PRDM15: variants seen among roughly 807,000 people sequenced by gnomAD.
PRDM15 encodes the protein PR domain zinc finger protein 15.
PRDM15 carries 64 observed loss-of-function variants against 128.6 expected under a neutral mutation model. That is an observed-to-expected ratio of 0.50 (90% confidence interval 0.41 to 0.61). PRDM15 has a LOEUF of 0.61. Ranked by LOEUF, PRDM15 falls within the 20% of genes least tolerant of loss-of-function variation. The pLI is 0.00. For missense variants in PRDM15, 1,242 were observed against 1,569.1 expected (o/e 0.79, Z 3.52); for synonymous variants, 615 against 621.8 (o/e 0.99, Z 0.16).
chr21:41,842,818 T>C, intron 6 of PRDM15, among the ~76,000 whole-genome samples: 1 of 102,594 alleles, frequency 9.7e-6, no homozygotes. Context: ...GGAGTCTCAC[T>C]CTGTCGCCCA....
At chr21:41,841,028 C>T (rs1471431999) in intron 6 of PRDM15, among the ~76,000 whole-genome samples, 1 of 151,952 alleles carries the variant, frequency 6.6e-6, no homozygotes, top group Non-Finnish European at 1.5e-5. Flanking sequence ...GCTAAGAAGA[C>T]ATGAAGTGTA....
intron 11 of PRDM15, among the ~76,000 whole-genome samples, chr21:41,831,414 C>T (rs1357644446): frequency 6.6e-6 from 1 of 152,370 alleles, no homozygotes; most frequent in South Asian, 2.1e-4. Context: ...TTGCCGACAG[C>T]GTCCCTTGGG....
At position 41,810,642 on chromosome 21, in the gene PRDM15, G is replaced by A. The variant is rs1454358716; in HGVS notation, c.2476+111C>T. 1.4e-5 allele frequency: 12 copies of A among 880,660 alleles called. No individual in the cohort carries two copies. Among genetic ancestry groups the A allele is most frequent in the East Asian group, 2.5e-5 (1 of 40,366 alleles). 54.6% of individuals were successfully genotyped at this position (880,660 alleles called of 1,614,324 possible). On this transcript the variant is annotated intron_variant, in intron 20 of 23. Coordinates refer to ENST00000398548, the MANE Select transcript of PRDM15 (RefSeq NM_001040424.3). The surrounding 1 kb of genome is among the most constrained non-coding windows in gnomAD (Gnocchi z 6.4). ...ATGAAGCCAAGACAACACTAAATGT[G>A]CTGGAACCGTCTAGATAATAGAATA...
rs1481800790 is a variant in PRDM15, at chr21:41,832,551, C to G, written c.1366+2886G>C. 5.3e-5 allele frequency among the ~76,000 whole-genome samples: 8 copies of G among 152,170 alleles called. No homozygotes were observed. ...TTACAGTGCTGTGGCATTGGATTGC[C>G]ACACTCCCCTCAACCTGGGCCTCCT... On this transcript the variant is annotated intron_variant, in intron 11 of 23. Coordinates refer to ENST00000398548, the MANE Select transcript of PRDM15 (RefSeq NM_001040424.3). This position sits in a 1 kb window ranked among gnomAD's most constrained non-coding sequence, Gnocchi z 4.2.
intron 18 of PRDM15, among the ~76,000 whole-genome samples, chr21:41,817,340 T>C (rs905834571): frequency 6.6e-6 from 1 of 152,176 alleles, no homozygotes; most frequent in African/African-American, 2.4e-5. Flanking sequence ...CATTCCTGAG[T>C]AGTTCAAGGC....
Position 41,825,964 on chromosome 21 carries a change from C to T in PRDM15, c.1625G>A (p.Gly542Asp). 1 of 1,612,724 alleles carries T rather than the reference C, an allele frequency of 6.2e-7. No homozygotes were observed. The highest frequency in any genetic ancestry group is 8.5e-7 in the Non-Finnish European group (1 of 1,178,804). Residue 542 changes from glycine to aspartate, a missense_variant, in exon 13 of 24, where the codon GGC becomes GAC. This residue lies in a region of PRDM15 where 28 missense variants were observed against 63.8 expected (regional missense o/e 0.44). Transcript: ENST00000398548. The part of the protein sequence containing the change: ...KKEPSGCPVC[G>D]KVFSCRSNMN... ...GACGTGGACTGCGAGCATTACCTTGCCACACACCGGGCACCCGGAAGGCTC... is the reference window on the plus strand; with the variant it reads ...GACGTGGACTGCGAGCATTACCTTGTCACACACCGGGCACCCGGAAGGCTC...
chr21:41,848,569 CT>C (rs1282616672), intron 5 of PRDM15, among the ~76,000 whole-genome samples: 3 of 152,210 alleles, frequency 2.0e-5, no homozygotes, highest in African/African-American at 7.2e-5. Context: ...TCCCACTCAC[CT>C]TCCCAAACAT....
At chr21:41,826,873 C>T (rs998369256) in intron 12 of PRDM15, among the ~76,000 whole-genome samples, 1 of 152,160 alleles carries the variant, frequency 6.6e-6, no homozygotes, top group African/African-American at 2.4e-5. Context: ...GAGTTTACTC[C>T]CACAGAAGAC....
At chr21:41,816,461 A>G (rs1206296603) in intron 18 of PRDM15, among the ~76,000 whole-genome samples, 3 of 152,144 alleles carry the variant, frequency 2.0e-5, no homozygotes, top group Non-Finnish European at 4.4e-5. Context: ...ACCAGGGAAC[A>G]GGGCGACCCA....
chr21:41,872,209 G>A (rs1040895212), intron 1 of PRDM15, among the ~76,000 whole-genome samples: 8 of 152,052 alleles, frequency 5.3e-5, no homozygotes, highest in African/African-American at 1.4e-4. Flanking sequence ...TCCCCAGGGC[G>A]GCCATTCAAG....
chr21:41,839,680 G>C lies in PRDM15; in HGVS notation c.814C>G (p.Pro272Ala). ...QKKKPRRGRK[P>A]KVSKAEQPLV... ...GGCTGCTCAGCTTTGGACACTTTGG[G>C]TTTTCTCCCCCTTCGAGGCTTTTTC... The change falls in exon 7 of 24, where the codon CCC (proline) becomes GCC (alanine). Residue 272 changes from proline (P) to alanine (A), a missense_variant. Around this residue, in one of 3 missense-constraint regions of PRDM15, gnomAD observed 612 missense variants for 717.0 expected, o/e 0.85. Transcript: ENST00000398548. The C allele has an allele frequency of 6.2e-7, 1 of 1,614,262 alleles. No individual in the cohort carries two copies.
Position 41,836,626 on chromosome 21 carries a change from G to A in PRDM15, c.1025C>T (p.Thr342Ile). The A allele has an allele frequency of 6.2e-7, 1 of 1,607,798 alleles. No individual in the cohort carries two copies. The highest frequency in any genetic ancestry group is 8.5e-7 in the Non-Finnish European group (1 of 1,175,094). The change falls in exon 9 of 24, where the codon ACC becomes ATC. Residue 342 changes from threonine to isoleucine, a missense_variant. Thr to Ile is a moderately conservative substitution (Grantham distance 89). Coordinates refer to ENST00000398548, the MANE Select transcript of PRDM15 (RefSeq NM_001040424.3). ...VPKFTHHQNNTITLKRSLILS... is the reference protein window; with the variant it reads ...VPKFTHHQNNIITLKRSLILS... ...AATTAAGCTCCTCTTGAGCGTGATGGTGTTATTCTGATGATGGGTGAACCT... is the reference window on the plus strand; with the variant it reads ...AATTAAGCTCCTCTTGAGCGTGATGATGTTATTCTGATGATGGGTGAACCT...
At chr21:41,869,606 C>G (rs2064141385) in intron 1 of PRDM15, among the ~76,000 whole-genome samples, 1 of 152,122 alleles carries the variant, frequency 6.6e-6, no homozygotes, top group South Asian at 2.1e-4. Context: ...ACCACCACGC[C>G]TGGCTAATTT....
intron 6 of PRDM15, among the ~76,000 whole-genome samples, chr21:41,843,036 C>T (rs1818111184): frequency 6.6e-6 from 1 of 152,200 alleles, no homozygotes; most frequent in Non-Finnish European, 1.5e-5. Context: ...CCACCTGCCT[C>T]AGCCTCCCAA....
chr21:41,839,584 G>A lies in PRDM15; in HGVS notation c.871+39C>T, dbSNP rs553381191. The A allele has an allele frequency of 1.7e-5, 27 of 1,576,994 alleles. No homozygotes were observed. The East Asian group carries it at 2.7e-4, about 16-fold the overall frequency. Reference sequence around the variant, plus strand: ...AGCCCTCGGGCGCCAGGAGGGCTGCGCCCCACGCAGGCACTCATCCCCGGG... The same window carrying A: ...AGCCCTCGGGCGCCAGGAGGGCTGCACCCCACGCAGGCACTCATCCCCGGG... On this transcript the variant is annotated intron_variant, in intron 7 of 23. Transcript: ENST00000398548.
chr21:41,820,748 G>A (rs1318692250), intron 16 of PRDM15, among the ~76,000 whole-genome samples: 2 of 152,224 alleles, frequency 1.3e-5, no homozygotes, highest in East Asian at 1.9e-4. Flanking sequence ...GTCAGATGTG[G>A]CCTGGCATTA....
intron 21 of PRDM15, chr21:41,804,821 T>C: frequency 2.2e-6 from 1 of 458,792 alleles, no homozygotes; most frequent in Non-Finnish European, 3.8e-6. Context: ...CCTTATTTCA[T>C]GCTCCCACAA....
intron 1 of PRDM15, among the ~76,000 whole-genome samples, chr21:41,876,364 A>T (rs1477015185): frequency 6.6e-6 from 1 of 152,194 alleles, no homozygotes; most frequent in Non-Finnish European, 1.5e-5. Flanking sequence ...GGTTCCAGAA[A>T]TAAGGAGACG....
At position 41,821,755 on chromosome 21, in the gene PRDM15, T is replaced by G; in HGVS notation, c.1896+148A>C. On this transcript the variant is annotated intron_variant, in intron 15 of 23. Transcript: ENST00000398548. This position sits in a 1 kb window ranked among gnomAD's most constrained non-coding sequence, Gnocchi z 5.4. Reference sequence around the variant, plus strand: ...GCACAAGTGATGGACAGGCACCCAGTCTGCAGTAGGACCACTGGCCGGAGC... The same window carrying G: ...GCACAAGTGATGGACAGGCACCCAGGCTGCAGTAGGACCACTGGCCGGAGC... 1 of 925,930 alleles carries G rather than the reference T, an allele frequency of 1.1e-6. No individual in the cohort carries two copies. Among genetic ancestry groups the G allele is most frequent in the East Asian group, 2.5e-5 (1 of 39,794 alleles). 57.4% of individuals were successfully genotyped at this position (925,930 alleles called of 1,614,324 possible).
Sources: gnomAD v4.1 joint callset for allele counts (sites outside exome capture counted in the v4.1 genomes callset) on GRCh38, gnomAD v4.1.1 for gene constraint, gnomAD v4.1.1 regional missense constraint, Gnocchi (gnomAD v3.1) non-coding constraint, MANE v1.5 for transcripts, NCBI Gene and HGNC (gene_info 2026-07-23, HGNC 2026-07-21) for gene names.